The following TRMT11 variants were observed in gnomAD, a reference collection of about 807,000 sequenced individuals.
TRMT11 encodes the protein tRNA methyltransferase 11.
In TRMT11, 53 loss-of-function variants were observed where a neutral mutation model predicts 62.8. The ratio of observed to expected loss-of-function variants is 0.84; its 90% confidence interval spans 0.68 to 1.06. The LOEUF is 1.06. Among genes scored for constraint, TRMT11 ranks in the 50% least tolerant of loss-of-function variants. TRMT11 has a pLI of 0.00. For synonymous variants in TRMT11, 188 were observed against 190.3 expected (o/e 0.99, Z 0.10); for missense variants, 556 against 553.4 (o/e 1.00, Z -0.05).
chr6:126,151,818 C>CTT (rs1169729231), intron 21 of TRMT11, among the ~76,000 whole-genome samples: 31 of 104,662 alleles, frequency 3.0e-4, no homozygotes, highest in Admixed American at 6.1e-4. Context: ...TTCTTTCTTT[C>CTT]TTTCTTTCTT....
chr6:126,229,208 A>C, the TRMT11 span, among the ~76,000 whole-genome samples: 1 of 152,216 alleles, frequency 6.6e-6, no homozygotes, highest in African/African-American at 2.4e-5. Flanking sequence ...TTTTTTGTCT[A>C]GATCTTTAAA....
intron 21 of TRMT11, among the ~76,000 whole-genome samples, chr6:126,168,656 T>C (rs1428472049): frequency 6.6e-6 from 1 of 152,190 alleles, no homozygotes; most frequent in Non-Finnish European, 1.5e-5. Context: ...GTAGCTGGGA[T>C]TACAGGAGTG....
chr6:126,011,101 A>G (rs2128817192), intron 8 of TRMT11, 152 bp from the exon 9 acceptor site: 2 of 576,722 alleles, frequency 3.5e-6, no homozygotes, highest in African/African-American at 1.9e-5. Context: ...TAAAATAACT[A>G]TTTACTTGTA....
At chr6:126,035,409 T>C (rs1344738608) in intron 12 of TRMT11, among the ~76,000 whole-genome samples, 1 of 152,132 alleles carries the variant, frequency 6.6e-6, no homozygotes, top group Non-Finnish European at 1.5e-5. Flanking sequence ...GTTTCTGTTA[T>C]AAATGATAGA....
At chr6:126,260,546 A>G in the TRMT11 span, among the ~76,000 whole-genome samples, 2 of 152,110 alleles carry the variant, frequency 1.3e-5, no homozygotes, top group Non-Finnish European at 1.5e-5. Flanking sequence ...ACGTGTTTTC[A>G]TGGTAGTAAT....
At chr6:126,077,936 CTG>C (rs1347472533) in intron 17 of TRMT11, among the ~76,000 whole-genome samples, 1 of 152,132 alleles carries the variant, frequency 6.6e-6, no homozygotes, top group Non-Finnish European at 1.5e-5. Context: ...TAATCATAGA[CTG>C]TGTACCTATC....
intron 17 of TRMT11, among the ~76,000 whole-genome samples, chr6:126,059,819 A>T (rs984682150): frequency 2.0e-5 from 3 of 152,158 alleles, no homozygotes; most frequent in Non-Finnish European, 4.4e-5. Context: ...TTTCTCTAGG[A>T]TAAAGACCCT....
chr6:126,062,779 A>G (rs1477118052), intron 17 of TRMT11, among the ~76,000 whole-genome samples: 1 of 152,212 alleles, frequency 6.6e-6, no homozygotes, highest in African/African-American at 2.4e-5. Flanking sequence ...TTTATTTTTT[A>G]TTAGTGAATG....
chr6:126,011,678 G>A (rs1794227172), intron 9 of TRMT11, among the ~76,000 whole-genome samples: 1 of 151,696 alleles, frequency 6.6e-6, no homozygotes, highest in Admixed American at 6.6e-5. Flanking sequence ...CTTGTCACCC[G>A]TTTTTCCCTT....
intron 21 of TRMT11, among the ~76,000 whole-genome samples, chr6:126,123,505 T>C (rs1252558116): frequency 6.6e-6 from 1 of 152,060 alleles, no homozygotes; most frequent in Non-Finnish European, 1.5e-5. Flanking sequence ...AATCTTGTCC[T>C]TCAACCTTGA....
At chr6:126,194,949 T>C (rs1021869413) in intron 1 of TRMT11, among the ~76,000 whole-genome samples, 2 of 152,036 alleles carry the variant, frequency 1.3e-5, no homozygotes, top group African/African-American at 4.8e-5. Flanking sequence ...ACCCTATCTC[T>C]ATAAAAAATA....
Position 126,144,130 on chromosome 6 carries a change from G to T in TRMT11, c.*1823+28275G>T, listed in dbSNP as rs553530589. ...CATTGTTTCTCCATTTCACGGTCTG[G>T]TGCTCCTGAAGTTTAGGTTTTGCTT... is the stretch of plus-strand genomic sequence containing the variant. On this transcript the variant is annotated intron_variant and NMD_transcript_variant, in intron 21 of 22. Coordinates refer to the TRMT11 transcript ENST00000648977. Among the ~76,000 whole-genome samples the T allele has an allele frequency of 2.0e-5, 3 of 152,204 alleles. No homozygotes were observed. The East Asian group carries it at 5.8e-4, about 29-fold the overall frequency.
At chr6:126,235,747 G>A in the TRMT11 span, among the ~76,000 whole-genome samples, 1 of 152,090 alleles carries the variant, frequency 6.6e-6, no homozygotes, top group Admixed American at 6.5e-5. Flanking sequence ...AATAGCTAAT[G>A]GATGCTGGCT....
chr6:126,162,212 T>C (rs1778198802), intron 21 of TRMT11, among the ~76,000 whole-genome samples: 1 of 152,260 alleles, frequency 6.6e-6, no homozygotes, highest in Admixed American at 6.5e-5. Flanking sequence ...TTTAAGCCTT[T>C]AATCCATCTT....
chr6:126,031,329 A>G (rs1357869204), intron 12 of TRMT11, among the ~76,000 whole-genome samples: 1 of 152,192 alleles, frequency 6.6e-6, no homozygotes, highest in Non-Finnish European at 1.5e-5. Flanking sequence ...GAGGAAGGCC[A>G]TAGTTTTCAT....
intron 3 of TRMT11, among the ~76,000 whole-genome samples, chr6:126,201,721 T>C (rs1778736364): frequency 6.6e-6 from 1 of 152,190 alleles, no homozygotes; most frequent in Non-Finnish European, 1.5e-5. Flanking sequence ...CCTTACATTC[T>C]CTCTTTATTT....
chr6:126,119,173 T>C (rs1777621202), intron 21 of TRMT11, among the ~76,000 whole-genome samples: 1 of 152,022 alleles, frequency 6.6e-6, no homozygotes, highest in Admixed American at 6.6e-5. Flanking sequence ...AATCACTAGA[T>C]AAACATGTGA....
chr6:126,237,694 T>G, the TRMT11 span, among the ~76,000 whole-genome samples: 1 of 151,834 alleles, frequency 6.6e-6, no homozygotes, highest in Non-Finnish European at 1.5e-5. Context: ...AATAAATAAA[T>G]AAATAAAAAG....
chr6:126,034,711 G>A (rs192008466), intron 12 of TRMT11, among the ~76,000 whole-genome samples: 68 of 152,110 alleles, frequency 4.5e-4, no homozygotes, highest in African/African-American at 1.4e-3. Flanking sequence ...TTTATGATAC[G>A]TAGGTGATAT....
Sources: gnomAD v4.1 joint callset for allele counts (sites outside exome capture counted in the v4.1 genomes callset) on GRCh38, gnomAD v4.1.1 for gene constraint, MANE v1.5 for transcripts, NCBI Gene and HGNC (gene_info 2026-07-23, HGNC 2026-07-21) for gene names.